RAB27A: variants seen among roughly 807,000 people sequenced by gnomAD.
The protein encoded by RAB27A is RAB27A, member RAS oncogene family, also known as ras-related protein Rab-27A.
A neutral mutation model predicts 20.8 loss-of-function variants in RAB27A; 17 were observed. The ratio of observed to expected loss-of-function variants is 0.82; its 90% CI spans 0.56 to 1.23. RAB27A has a LOEUF of 1.23. Among genes scored for constraint, RAB27A ranks in the 50% most tolerant of loss-of-function variants. The pLI, the probability that RAB27A is intolerant of heterozygous loss-of-function variation, is 0.00. For synonymous variants in RAB27A, 85 were observed against 92.8 expected (o/e 0.92, Z 0.48); for missense variants, 277 against 266.7 (o/e 1.04, Z -0.27).
intron 2 of RAB27A, among the ~76,000 whole-genome samples, chr15:55,305,950 G>T (rs1407704763): frequency 6.6e-6 from 1 of 152,168 alleles, no homozygotes; most frequent in Admixed American, 6.5e-5. Context: ...TTTGTTGCAG[G>T]GGTTAGGTAT....
chr15:55,306,988 G>A lies in RAB27A; in HGVS notation c.-112+7051C>T, dbSNP rs372941039. On this transcript the variant is annotated intron_variant, in intron 2 of 5. Coordinates refer to the RAB27A transcript ENST00000563262. ...AGCTAGCGTTGTCTCCTGGATTTTC[G>A]GGTTCCTTCGGCAGTATCCAGGGTT... 6.6e-5 allele frequency among the ~76,000 whole-genome samples: 10 copies of A among 152,160 alleles called. No homozygotes were observed. In the South Asian group the frequency reaches 1.5e-3, roughly 22 times the overall value.
intron 2 of RAB27A, among the ~76,000 whole-genome samples, chr15:55,247,402 GCAC>G (rs930339020): frequency 8.6e-5 from 13 of 151,756 alleles, no homozygotes; most frequent in Non-Finnish European, 1.6e-4. Flanking sequence ...AAATCAGATA[GCAC>G]TCAAAGGACT....
chr15:55,260,111 T>A (rs1897222460), intron 2 of RAB27A: 1 of 152,238 alleles, frequency 6.6e-6, no homozygotes, highest in Admixed American at 6.5e-5. Flanking sequence ...TATTTACGTA[T>A]TTTTAGTGCC....
chr15:55,218,788 G>A (rs186898106), intron 6 of RAB27A, among the ~76,000 whole-genome samples: 444 of 150,720 alleles, frequency 2.9e-3, no homozygotes, highest in African/African-American at 0.01. Context: ...TTTTGCTCAG[G>A]CTGGAGTGCA....
intron 4 of RAB27A, 38 bp from the exon 5 acceptor site, chr15:55,228,750 GC>G (rs748808040): frequency 1.4e-5 from 20 of 1,400,418 alleles, no homozygotes; most frequent in East Asian, 6.8e-5. Context: ...TTAAACCACG[GC>G]CCCACTCCTG....
At chr15:55,215,375 G>A (rs1381073824) in intron 6 of RAB27A, among the ~76,000 whole-genome samples, 1 of 152,170 alleles carries the variant, frequency 6.6e-6, no homozygotes, top group Non-Finnish European at 1.5e-5. Context: ...ATAACCGGCC[G>A]GGCGCGGTGG....
intron 5 of RAB27A, among the ~76,000 whole-genome samples, chr15:55,224,298 T>TGC (rs1035772303): frequency 4.8e-4 from 73 of 152,360 alleles, no homozygotes; most frequent in African/African-American, 1.6e-3. Flanking sequence ...CGCACACATA[T>TGC]GCACACACAC....
intron 1 of RAB27A, 30 bp from the exon 2 acceptor site, chr15:55,270,314 G>T (rs2141097387): frequency 6.6e-6 from 1 of 152,290 alleles, no homozygotes; most frequent in East Asian, 1.9e-4. Flanking sequence ...AAATGTTAAA[G>T]TCAGAATGGC....
Position 55,317,710 on chromosome 15 carries a change from A to G in RAB27A, c.-234+1221T>C, listed in dbSNP as rs545925961. 3.8e-5 allele frequency: 15 copies of G among 398,654 alleles called. No individual in the cohort carries two copies. In the South Asian group the frequency reaches 1.7e-3, roughly 44 times the overall value. The allele number at this position is 398,654 out of a possible 1,614,324, so 24.7% of individuals were successfully genotyped here. ...CTGATCTTTGGCATACTGTTCAAAT[A>G]CTGGTTGAAAAATATATACTCCTCC... is the stretch of plus-strand genomic sequence containing the variant. On this transcript the variant is annotated intron_variant, in intron 1 of 5. Coordinates refer to the RAB27A transcript ENST00000563262.
chr15:55,244,635 G>T (rs1245253273), intron 2 of RAB27A, among the ~76,000 whole-genome samples: 2 of 152,120 alleles, frequency 1.3e-5, no homozygotes, highest in Non-Finnish European at 2.9e-5. Flanking sequence ...TTTTAGAATG[G>T]TTCAATATTT....
At chr15:55,221,997 G>A (rs7162507) in intron 6 of RAB27A, among the ~76,000 whole-genome samples, 150,174 of 152,282 alleles carry the variant, frequency 0.99, 74,073 homozygotes, top group Middle Eastern at 1. Context: ...CTGTCCTTCA[G>A]GCTTCAGCAT....
chr15:55,289,792 G>C lies in RAB27A; in HGVS notation c.-219C>G, dbSNP rs1343786758. 1 of 152,832 alleles carries C rather than the reference G, an allele frequency of 6.5e-6. No homozygotes were observed. The highest frequency in any genetic ancestry group is 2.4e-5 in the African/African-American group (1 of 41,462). The allele number at this position is 152,832 out of a possible 1,614,324, so 9.5% of individuals were successfully genotyped here. A position where few individuals can be genotyped will look rare whatever the true frequency, so the allele number is the denominator to read the frequency against. ...CGTCCACCCGCCGCCGGCCTTTTTT[G>C]GGTCGTTGGCGGGTATTTTCCGCCT... On this transcript the variant is annotated 5_prime_UTR_variant, in exon 1 of 7. Coordinates refer to ENST00000336787, the MANE Select transcript of RAB27A (RefSeq NM_183235.3).
chr15:55,297,081 C>G (rs1464405709), intron 2 of RAB27A, among the ~76,000 whole-genome samples: 3 of 152,140 alleles, frequency 2.0e-5, no homozygotes, highest in Non-Finnish European at 4.4e-5. Context: ...TAAAGGGAAG[C>G]CTTTATCGGT....
At chr15:55,317,765 G>C in intron 1 of RAB27A, 1 of 398,550 alleles carries the variant, frequency 2.5e-6, no homozygotes. Flanking sequence ...GCAAAAAGCA[G>C]TTGTGCAAAA....
intron 2 of RAB27A, among the ~76,000 whole-genome samples, chr15:55,257,819 C>G (rs1309078348): frequency 2.0e-5 from 3 of 152,140 alleles, no homozygotes; most frequent in Admixed American, 2.0e-4. Context: ...GTGGTAAAAC[C>G]CTGTCTCTAC....
intron 6 of RAB27A, among the ~76,000 whole-genome samples, chr15:55,215,689 C>CGGTA (rs1246681301): frequency 6.7e-6 from 1 of 148,766 alleles, no homozygotes; most frequent in African/African-American, 2.5e-5. Context: ...AGGTCGGGCG[C>CGGTA]GGTAGCTCAC....
In RAB27A at chr15:55,204,703, A is replaced by G. The variant is rs1894559039; in HGVS notation, c.*804T>C. The G allele has an allele frequency of 6.6e-6, 1 of 152,266 alleles. No individual in the cohort carries two copies. Among genetic ancestry groups the G allele is most frequent in the African/African-American group, 2.4e-5 (1 of 41,456 alleles). 9.4% of individuals were successfully genotyped at this position (152,266 alleles called of 1,614,324 possible). ...AGCTATGTTCAGGTGCGGCCAGCACATAGGCCAAGTATAAATGTACAATCA... is the reference window on the plus strand; with the variant it reads ...AGCTATGTTCAGGTGCGGCCAGCACGTAGGCCAAGTATAAATGTACAATCA... On this transcript the variant is annotated 3_prime_UTR_variant, in exon 7 of 7. Transcript: ENST00000336787.
chr15:55,210,967 C>T (rs1894999155), intron 6 of RAB27A, among the ~76,000 whole-genome samples: 1 of 152,132 alleles, frequency 6.6e-6, no homozygotes, highest in Non-Finnish European at 1.5e-5. Context: ...GGTCTAGTTA[C>T]ATTGTTCTGC....
chr15:55,251,658 CTG>C (rs1896894136), intron 2 of RAB27A, among the ~76,000 whole-genome samples: 1 of 152,080 alleles, frequency 6.6e-6, no homozygotes, highest in South Asian at 2.1e-4. Flanking sequence ...TTTAAGATAA[CTG>C]AGAATATATT....
Sources: gnomAD v4.1 joint callset for allele counts (sites outside exome capture counted in the v4.1 genomes callset) on GRCh38, gnomAD v4.1.1 for gene constraint, MANE v1.5 for transcripts, NCBI Gene and HGNC (gene_info 2026-07-23, HGNC 2026-07-21) for gene names.